The following ATP11A variants were observed in gnomAD, a reference collection of about 807,000 sequenced individuals.
ATP11A encodes phospholipid-transporting ATPase IH.
Under a neutral mutation model 154.4 loss-of-function variants are expected in ATP11A, and 81 were observed. That is an observed-to-expected ratio of 0.52 (90% CI 0.44 to 0.63). The LOEUF (loss-of-function observed/expected upper bound fraction) is 0.63. ATP11A is among the 30% of genes least tolerant of loss of function. The pLI, the probability that ATP11A is intolerant of heterozygous loss-of-function variation, is 0.00. For synonymous variants in ATP11A, 623 were observed against 585.9 expected (o/e 1.06, Z -0.91); for missense variants, 1,316 against 1,474.3 (o/e 0.89, Z 1.76).
intron 1 of ATP11A, among the ~76,000 whole-genome samples, chr13:112,740,822 G>GT (rs1891468021): frequency 6.6e-6 from 1 of 152,230 alleles, no homozygotes; most frequent in Non-Finnish European, 1.5e-5. Flanking sequence ...AGATCTAGCT[G>GT]TTTTGTTGCA....
rs1236870835 is a variant in ATP11A at position 112,884,037 on chromosome 13, G to A, written c.*2171G>A. ...CTAATTTTAAAAATAGGTTTTTAAAGCTTTCATTTTTAAGTTTATGAAATT... is the reference window on the plus strand; with the variant it reads ...CTAATTTTAAAAATAGGTTTTTAAAACTTTCATTTTTAAGTTTATGAAATT... On this transcript the variant is annotated 3_prime_UTR_variant, in exon 30 of 30. Coordinates refer to ENST00000375645, the MANE Select transcript of ATP11A (RefSeq NM_015205.3). 3 of 152,218 alleles carry A rather than the reference G, an allele frequency of 2.0e-5. No individual in the cohort carries two copies. The highest frequency in any genetic ancestry group is 4.4e-5 in the Non-Finnish European group (3 of 67,994). The allele number at this position is 152,218 out of a possible 1,614,324, so 9.4% of individuals were successfully genotyped here. A position where few individuals can be genotyped will look rare whatever the true frequency, so the allele number is the denominator to read the frequency against.
chr13:112,751,623 G>A (rs928156490), intron 1 of ATP11A, among the ~76,000 whole-genome samples: 7 of 151,942 alleles, frequency 4.6e-5, no homozygotes, highest in African/African-American at 1.7e-4. Context: ...TCGCACCAGT[G>A]CACTTCAGCC....
chr13:112,832,154 T>A (rs923338980), intron 13 of ATP11A, among the ~76,000 whole-genome samples: 1 of 151,984 alleles, frequency 6.6e-6, no homozygotes, highest in African/African-American at 2.4e-5. Context: ...ACACATGCAC[T>A]CTCACACACG....
chr13:112,800,281 A>T (rs1230419590), intron 2 of ATP11A, among the ~76,000 whole-genome samples: 1 of 152,150 alleles, frequency 6.6e-6, no homozygotes, highest in South Asian at 2.1e-4. Flanking sequence ...AAGAAAAGAG[A>T]CACAAATTCC....
chr13:112,844,300 T>C (rs2079512543), intron 17 of ATP11A, among the ~76,000 whole-genome samples: 1 of 152,206 alleles, frequency 6.6e-6, no homozygotes, highest in South Asian at 2.1e-4. Flanking sequence ...TTGTGATGAT[T>C]GTAAAGTCCA....
At chr13:112,820,060 G>A in intron 8 of ATP11A, 110 bp downstream of exon 8, 3 of 1,110,698 alleles carry the variant, frequency 2.7e-6, no homozygotes, top group South Asian at 3.3e-5. Context: ...AGATTTGGAA[G>A]GTGGAGTTCC....
Position 112,697,727 on chromosome 13 carries a change from GTTTTTTTTTTTTTTT to G in ATP11A, c.39+7284_39+7298del, listed in dbSNP as rs531749066. 4.7e-4 allele frequency among the ~76,000 whole-genome samples: 60 copies of G among 126,616 alleles called. No homozygotes were observed. The highest frequency in any genetic ancestry group is 4.7e-3 in the Admixed American group (60 of 12,780). 83.1% of individuals were successfully genotyped at this position (126,616 alleles called of 152,430 possible). ...GGATTTGTGCCACGACGCCCGGCCAGTTTTTTTTTTTTTTTTTTTTTTTTTTAGTAGAGATGGGGT... is the reference window on the plus strand; with the variant it reads ...GGATTTGTGCCACGACGCCCGGCCAGTTTTTTTTTTTAGTAGAGATGGGGT... On this transcript the variant is annotated intron_variant, in intron 1 of 29. Transcript: ENST00000375645. This position sits in a 1 kb window ranked among gnomAD's most constrained non-coding sequence, Gnocchi z 4.0.
At chr13:112,758,659 A>G (rs924770322) in intron 1 of ATP11A, among the ~76,000 whole-genome samples, 14 of 150,562 alleles carry the variant, frequency 9.3e-5, no homozygotes, top group African/African-American at 2.4e-5. Flanking sequence ...TCCTGACCTC[A>G]TGATCCGCCC....
chr13:112,821,670 GA>G (rs1453810490), intron 8 of ATP11A, among the ~76,000 whole-genome samples: 5 of 152,208 alleles, frequency 3.3e-5, no homozygotes, highest in Non-Finnish European at 7.3e-5. Context: ...GATTATTGAA[GA>G]TGTTTGTAAA....
intron 1 of ATP11A, among the ~76,000 whole-genome samples, chr13:112,760,907 C>CT: frequency 6.6e-6 from 1 of 152,300 alleles, no homozygotes; most frequent in Non-Finnish European, 1.5e-5. Flanking sequence ...ATGATGACCC[C>CT]TTAGCCACAG....
intron 1 of ATP11A, among the ~76,000 whole-genome samples, chr13:112,776,830 C>T (rs1188658536): frequency 6.6e-6 from 1 of 152,182 alleles, no homozygotes; most frequent in Non-Finnish European, 1.5e-5. Context: ...CTCCTGACCT[C>T]AGGTGATCCA....
rs1395013740 is a variant in ATP11A at position 112,697,409 on chromosome 13, AC to A, written c.39+6958del. Among the ~76,000 whole-genome samples, 7 of 151,892 alleles carry A rather than the reference AC, an allele frequency of 4.6e-5. No individual in the cohort carries two copies. The highest frequency in any genetic ancestry group is 1.7e-4 in the African/African-American group (7 of 41,352). Reference sequence around the variant, plus strand: ...AAACAGCTGCTGGGCCAACACCGAGACCCCAGGTCATTAGTGTTAATCAGAG... The same window carrying A: ...AAACAGCTGCTGGGCCAACACCGAGACCCAGGTCATTAGTGTTAATCAGAG... On this transcript the variant is annotated intron_variant, in intron 1 of 29. Coordinates refer to ENST00000375645, the MANE Select transcript of ATP11A (RefSeq NM_015205.3). This position sits in a 1 kb window ranked among gnomAD's most constrained non-coding sequence, Gnocchi z 4.0.
At chr13:112,849,186 C>G (rs1048276147) in intron 17 of ATP11A, among the ~76,000 whole-genome samples, 1 of 152,176 alleles carries the variant, frequency 6.6e-6, no homozygotes, top group African/African-American at 2.4e-5. Flanking sequence ...CTGGAATAAA[C>G]CCCACTTGGT....
intron 1 of ATP11A, chr13:112,703,389 G>C (rs947973060): frequency 7.9e-5 from 12 of 152,186 alleles, no homozygotes; most frequent in Admixed American, 5.2e-4. Context: ...TCACATTAGG[G>C]GTTAGGGCTT....
At chr13:112,739,684 C>A (rs1172872304) in intron 1 of ATP11A, among the ~76,000 whole-genome samples, 1 of 152,224 alleles carries the variant, frequency 6.6e-6, no homozygotes, top group Non-Finnish European at 1.5e-5. Context: ...TTCTTGTGTT[C>A]TTGGCAGCAT....
At position 112,785,763 on chromosome 13, in the gene ATP11A, G is replaced by A. The variant is rs1345614792; in HGVS notation, c.162+506G>A. Among the ~76,000 whole-genome samples, 6 of 152,282 alleles carry A rather than the reference G, an allele frequency of 3.9e-5. No homozygotes were observed. The highest frequency in any genetic ancestry group is 2.1e-4 in the South Asian group (1 of 4,826). On this transcript the variant is annotated intron_variant, in intron 2 of 29. Transcript: ENST00000375645. The surrounding 1 kb of genome is among the most constrained non-coding windows in gnomAD (Gnocchi z 4.8). ...GTAGGAAGCACAAGCAGAGTGCCGC[G>A]GTCTAAACGAAGCGTGTTTCTCTCC...
At position 112,697,903 on chromosome 13, in the gene ATP11A, GT is replaced by G. The variant is rs1363645668; in HGVS notation, c.39+7450del. ...AACTACTTTCATTTTAAAACGATGAGTTCCTAAGAACTAGACTCTGATCCCT... is the reference window on the plus strand; with the variant it reads ...AACTACTTTCATTTTAAAACGATGAGTCCTAAGAACTAGACTCTGATCCCT... On this transcript the variant is annotated intron_variant, in intron 1 of 29. Transcript: ENST00000375645. The surrounding 1 kb of genome is among the most constrained non-coding windows in gnomAD (Gnocchi z 4.0). 1.3e-5 allele frequency among the ~76,000 whole-genome samples: 2 copies of G among 152,108 alleles called. No homozygotes were observed. Among genetic ancestry groups the G allele is most frequent in the African/African-American group, 4.8e-5 (2 of 41,400 alleles).
intron 1 of ATP11A, among the ~76,000 whole-genome samples, chr13:112,763,626 C>T (rs1473022455): frequency 6.6e-6 from 1 of 152,204 alleles, no homozygotes; most frequent in East Asian, 1.9e-4. Flanking sequence ...ACCATCTCTT[C>T]TCTCTGAAGC....
chr13:112,797,409 T>C (rs1403317930), intron 2 of ATP11A, among the ~76,000 whole-genome samples: 1 of 149,616 alleles, frequency 6.7e-6, no homozygotes, highest in Non-Finnish European at 1.5e-5. Flanking sequence ...AAACTACCGA[T>C]CCAGGAAGCT....
Sources: gnomAD v4.1 joint callset for allele counts (sites outside exome capture counted in the v4.1 genomes callset) on GRCh38, gnomAD v4.1.1 for gene constraint, Gnocchi (gnomAD v3.1) non-coding constraint, MANE v1.5 for transcripts, NCBI Gene and HGNC (gene_info 2026-07-23, HGNC 2026-07-21) for gene names.